The following CLASP2 variants were observed in gnomAD, a reference collection of about 807,000 sequenced individuals.
CLASP2 encodes the protein CLIP-associating protein 2.
CLASP2 carries 47 observed loss-of-function variants against 194.4 expected under a neutral mutation model. The ratio of observed to expected loss-of-function variants is 0.24; its 90% CI spans 0.19 to 0.31. CLASP2 has a LOEUF of 0.31. Among genes scored for constraint, CLASP2 ranks in the 10% least tolerant of loss-of-function variants. The pLI is 1.00. For missense variants in CLASP2, 1,445 were observed against 1,823.6 expected (o/e 0.79, Z 3.78); for synonymous variants, 619 against 633.5 (o/e 0.98, Z 0.34).
intron 36 of CLASP2, among the ~76,000 whole-genome samples, chr3:33,511,028 GTA>G (rs563694930): frequency 0.066 from 9,268 of 140,842 alleles, 323 homozygotes; most frequent in Admixed American, 0.093. Flanking sequence ...GTTGGCTAAA[GTA>G]TTTTTTTTTT....
chr3:33,689,889 C>T lies in CLASP2; in HGVS notation c.318G>A (p.Lys106=), dbSNP rs909198220. 3.1e-6 allele frequency: 5 copies of T among 1,599,744 alleles called. No individual in the cohort carries two copies. The highest frequency in any genetic ancestry group is 1.3e-5 in the African/African-American group (1 of 74,708). Residue 106 remains lysine (K), a synonymous_variant, in exon 3 of 39, where the codon AAG becomes AAA. Transcript: ENST00000682230. ...TCAGAGTCTGAGCTTCATCTCGAAC[C>T]TTGTCTTTGGCATCTCCCATTCTGT... ...LIDRMGDAKD[K]VRDEAQTLIL...
intron 8 of CLASP2, among the ~76,000 whole-genome samples, chr3:33,644,188 T>C (rs1006083753): frequency 1.3e-5 from 2 of 152,138 alleles, no homozygotes; most frequent in African/African-American, 2.4e-5. Flanking sequence ...GAATATGCTA[T>C]GAATTATAAA....
intron 1 of CLASP2, among the ~76,000 whole-genome samples, chr3:33,705,723 T>C (rs936369390): frequency 5.3e-5 from 8 of 152,118 alleles, no homozygotes; most frequent in African/African-American, 1.9e-4. Flanking sequence ...AATTATTCAC[T>C]ACAAGAGACT....
intron 6 of CLASP2, among the ~76,000 whole-genome samples, chr3:33,679,650 G>C (rs2089453272): frequency 6.6e-6 from 1 of 152,132 alleles, no homozygotes; most frequent in South Asian, 2.1e-4. Flanking sequence ...CCAAATCATA[G>C]GTCATCAGGG....
intron 11 of CLASP2, 39 bp from the exon 12 acceptor site, chr3:33,619,777 C>T (rs1226386535): frequency 3.4e-6 from 5 of 1,477,832 alleles, no homozygotes; most frequent in Admixed American, 2.2e-5. Flanking sequence ...AATAGTTTAA[C>T]ATTAAATATA....
At chr3:33,588,503 T>TA (rs1340642939) in intron 21 of CLASP2, among the ~76,000 whole-genome samples, 1 of 152,208 alleles carries the variant, frequency 6.6e-6, no homozygotes, top group Non-Finnish European at 1.5e-5. Context: ...TCCACGGTAT[T>TA]AACTTGTGTC....
In CLASP2 at chr3:33,663,520, G is replaced by A; in HGVS notation, c.645-5C>T. 2 of 1,588,790 alleles carry A rather than the reference G, an allele frequency of 1.3e-6. No individual in the cohort carries two copies. Among genetic ancestry groups the A allele is most frequent in the Non-Finnish European group, 1.7e-6 (2 of 1,158,746 alleles). On this transcript the variant is annotated splice_region_variant and splice_polypyrimidine_tract_variant and intron_variant, in intron 6 of 38. Coordinates refer to ENST00000682230, the MANE Select transcript of CLASP2 (RefSeq NM_001365631.1). ...TTGGCAAATATCATTTCTAATCTGGGAATAAAGAATAAATTGGGTTTGTTT... is the reference window on the plus strand; with the variant it reads ...TTGGCAAATATCATTTCTAATCTGGAAATAAAGAATAAATTGGGTTTGTTT...
chr3:33,589,313 T>C (rs896158495), intron 21 of CLASP2, among the ~76,000 whole-genome samples: 12 of 152,070 alleles, frequency 7.9e-5, no homozygotes, highest in African/African-American at 2.7e-4. Flanking sequence ...TGAGTCTCCA[T>C]TTATTTATTT....
At chr3:33,511,652 GCTGT>G (rs150950368) in intron 36 of CLASP2, among the ~76,000 whole-genome samples, 12,289 of 149,582 alleles carry the variant, frequency 0.082, 570 homozygotes, top group Admixed American at 0.091. Flanking sequence ...ACAAGAAATG[GCTGT>G]CTATCTTCTT....
intron 8 of CLASP2, among the ~76,000 whole-genome samples, chr3:33,640,607 T>C (rs2081106210): frequency 6.6e-6 from 1 of 152,134 alleles, no homozygotes; most frequent in Non-Finnish European, 1.5e-5. Flanking sequence ...TGTGTCTCAA[T>C]GATTACATAC....
chr3:33,511,777 A>G lies in CLASP2; in HGVS notation c.4111-1013T>C, dbSNP rs530997342. Among the ~76,000 whole-genome samples the G allele has an allele frequency of 3.1e-4, 21 of 66,952 alleles. 5 individuals are homozygous for G. In the East Asian group the frequency reaches 9.5e-3, roughly 30 times the overall value. The allele number at this position is 66,952 out of a possible 152,430, so 43.9% of individuals were successfully genotyped here. A position where few individuals can be genotyped will look rare whatever the true frequency, so the allele number is the denominator to read the frequency against. The stretch of plus-strand genomic sequence containing the variant: ...GAACAGACACTTCTCAAAAGAAGAC[A>G]TTTATGCAGCCAAAAAACACATGAA... On this transcript the variant is annotated intron_variant, in intron 36 of 38. Transcript: ENST00000682230.
intron 27 of CLASP2, among the ~76,000 whole-genome samples, chr3:33,566,140 T>C (rs1170294612): frequency 2.6e-5 from 4 of 152,232 alleles, no homozygotes; most frequent in Admixed American, 2.6e-4. Flanking sequence ...GATGTTAATA[T>C]GCCCCCATTT....
At chr3:33,543,334 C>T in intron 32 of CLASP2, 99 bp downstream of exon 32, 1 of 789,256 alleles carries the variant, frequency 1.3e-6, no homozygotes, top group Non-Finnish European at 2.1e-6. Context: ...GATCACACCA[C>T]CACACTCCAG....
intron 22 of CLASP2, among the ~76,000 whole-genome samples, chr3:33,583,886 T>C (rs1293811251): frequency 2.6e-5 from 4 of 152,082 alleles, no homozygotes; most frequent in African/African-American, 9.7e-5. Flanking sequence ...GCAACATGGT[T>C]GATAAAGCAG....
rs981636983 is a variant in CLASP2, at chr3:33,496,489, G to A, written c.*2142C>T. The A allele has an allele frequency of 3.3e-5, 5 of 152,108 alleles. No individual in the cohort carries two copies. Among genetic ancestry groups the A allele is most frequent in the African/African-American group, 4.8e-5 (2 of 41,424 alleles). 9.4% of individuals were successfully genotyped at this position (152,108 alleles called of 1,614,324 possible). A position where few individuals can be genotyped will look rare whatever the true frequency, so the allele number is the denominator to read the frequency against. ...TCTTATCAACTGAGATTATAAAATT[G>A]TAAACACAATTTTTCCATGTTTACA... On this transcript the variant is annotated 3_prime_UTR_variant, in exon 39 of 39. Coordinates refer to ENST00000682230, the MANE Select transcript of CLASP2 (RefSeq NM_001365631.1).
At chr3:33,548,763 C>CTTTTTTTTTTTTT (rs57112524) in intron 30 of CLASP2, among the ~76,000 whole-genome samples, 1 of 93,112 alleles carries the variant, frequency 1.1e-5, no homozygotes, top group Non-Finnish European at 2.2e-5. Context: ...GGTTTCATTT[C>CTTTTTTTTTTTTT]TTTTTTTTTT....
chr3:33,597,582 T>G (rs555473428), intron 18 of CLASP2, among the ~76,000 whole-genome samples: 1 of 152,092 alleles, frequency 6.6e-6, no homozygotes, highest in East Asian at 1.9e-4. Flanking sequence ...GAGTCTGGGA[T>G]TCTGGTAATT....
At chr3:33,687,969 A>G (rs2090900499) in intron 4 of CLASP2, among the ~76,000 whole-genome samples, 1 of 152,258 alleles carries the variant, frequency 6.6e-6, no homozygotes, top group African/African-American at 2.4e-5. Flanking sequence ...AAGCAATTCC[A>G]AATTCAATCC....
At chr3:33,545,516 GTTAC>G (rs1311636416) in intron 30 of CLASP2, among the ~76,000 whole-genome samples, 1 of 152,150 alleles carries the variant, frequency 6.6e-6, no homozygotes, top group East Asian at 1.9e-4. Context: ...GTTAAATTAT[GTTAC>G]TTTGGAACAA....
Sources: gnomAD v4.1 joint callset for allele counts (sites outside exome capture counted in the v4.1 genomes callset) on GRCh38, gnomAD v4.1.1 for gene constraint, MANE v1.5 for transcripts, NCBI Gene and HGNC (gene_info 2026-07-23, HGNC 2026-07-21) for gene names.